RNF141: variants seen among roughly 807,000 people sequenced by gnomAD.
The protein encoded by RNF141 is ring finger protein 141.
A neutral mutation model predicts 27.4 loss-of-function variants in RNF141; 18 were observed. That is an observed-to-expected ratio of 0.66 (90% CI 0.45 to 0.97). The LOEUF (loss-of-function observed/expected upper bound fraction) is 0.97, where lower values mean the gene tolerates loss of function less well. RNF141 is among the 50% of genes least tolerant of loss of function. RNF141 has a pLI of 0.00. For missense variants in RNF141, 230 were observed against 279.4 expected, an observed-to-expected ratio of 0.82 and a Z score of 1.26; for synonymous variants, 97 against 96.6, an observed-to-expected ratio of 1.00 and a Z score of -0.02.
intron 1 of RNF141, among the ~76,000 whole-genome samples, chr11:10,535,363 A>AG (rs980155610): frequency 6.6e-6 from 1 of 151,196 alleles, no homozygotes; most frequent in Non-Finnish European, 1.5e-5. Context: ...AATTTAAAAA[A>AG]AAAACAAAAA....
At chr11:10,531,708 T>A (rs1849987940) in intron 2 of RNF141, 1 of 189,678 alleles carries the variant, frequency 5.3e-6, no homozygotes, top group South Asian at 8.5e-5. Context: ...TTCGAAGACA[T>A]GCTTAAGTAT....
chr11:10,521,296 T>C (rs1244182532), intron 4 of RNF141, among the ~76,000 whole-genome samples: 2 of 152,250 alleles, frequency 1.3e-5, no homozygotes, highest in African/African-American at 4.8e-5. Flanking sequence ...AAATATTGCA[T>C]ATTGATTGGC....
Position 10,539,699 on chromosome 11 carries a change from T to TATATATATATATATATATATATATA in RNF141, c.-48+1422_-48+1423insTATATATATATATATATATATATAT, listed in dbSNP as rs56298076. The stretch of plus-strand genomic sequence containing the variant: ...TCAGAAAAAGATACATACATATATA[T>TATATATATATATATATATATATATA]TAGAGAGAGAAGGAGAGAGAAACTA... On this transcript the variant is annotated intron_variant, in intron 1 of 5. Transcript: ENST00000265981. 3.9e-4 allele frequency among the ~76,000 whole-genome samples: 29 copies of TATATATATATATATATATATATATA among 73,680 alleles called. 2 individuals carry two copies. The highest frequency in any genetic ancestry group is 5.0e-4 in the African/African-American group (11 of 21,926). 48.3% of individuals were successfully genotyped at this position (73,680 alleles called of 152,430 possible). A position where few individuals can be genotyped will look rare whatever the true frequency, so the allele number is the denominator to read the frequency against.
rs1849815259 is a variant in RNF141 at position 10,513,160 on chromosome 11, A to G, written c.*1756T>C. The G allele has an allele frequency of 1.3e-5, 2 of 152,222 alleles. No individual in the cohort carries two copies. The highest frequency in any genetic ancestry group is 6.5e-5 in the Admixed American group (1 of 15,280). The allele number at this position is 152,222 out of a possible 1,614,324, so 9.4% of individuals were successfully genotyped here. On this transcript the variant is annotated 3_prime_UTR_variant, in exon 6 of 6. Transcript: ENST00000265981. ...GTACTCTGCTTGCATAAACCTCCATAGGGAGTAGTTAGCTATTTGGTACTT... is the reference window on the plus strand; with the variant it reads ...GTACTCTGCTTGCATAAACCTCCATGGGGAGTAGTTAGCTATTTGGTACTT...
chr11:10,524,785 A>T (rs1849917426), intron 4 of RNF141, among the ~76,000 whole-genome samples: 1 of 152,166 alleles, frequency 6.6e-6, no homozygotes, highest in African/African-American at 2.4e-5. Flanking sequence ...CAATATATAA[A>T]ATTTTAATGC....
chr11:10,529,157 G>A (rs919511451), intron 3 of RNF141, among the ~76,000 whole-genome samples: 3 of 152,204 alleles, frequency 2.0e-5, no homozygotes, highest in Non-Finnish European at 2.9e-5. Flanking sequence ...TGATGCAGGA[G>A]TCAATCCTGG....
intron 3 of RNF141, 45 bp from the exon 4 acceptor site, chr11:10,525,418 T>A (rs1250250334): frequency 6.8e-7 from 1 of 1,464,560 alleles, no homozygotes; most frequent in Non-Finnish European, 9.2e-7. Context: ...ATCATTTCTC[T>A]GACCAATTTT....
intron 3 of RNF141, among the ~76,000 whole-genome samples, chr11:10,529,941 A>G (rs2133972732): frequency 6.6e-6 from 1 of 152,304 alleles, no homozygotes; most frequent in South Asian, 2.1e-4. Flanking sequence ...AAAATCTCCT[A>G]ACCCAGGGAA....
intron 4 of RNF141, 48 bp downstream of exon 4, chr11:10,525,144 T>C: frequency 7.2e-7 from 1 of 1,379,992 alleles, no homozygotes; most frequent in South Asian, 1.5e-5. Context: ...ATTTCAGTTG[T>C]TTTCATATTA....
At chr11:10,516,360 C>T (rs548245615) in intron 5 of RNF141, 2 of 152,302 alleles carry the variant, frequency 1.3e-5, no homozygotes, top group African/African-American at 2.4e-5. Flanking sequence ...ACAGTGATCC[C>T]TGGGACATGG....
intron 2 of RNF141, among the ~76,000 whole-genome samples, chr11:10,532,425 C>T (rs1849994697): frequency 6.6e-6 from 1 of 151,262 alleles, no homozygotes; most frequent in Non-Finnish European, 1.5e-5. Flanking sequence ...TGTAAAATCT[C>T]CCTCTCTGCC....
Position 10,513,376 on chromosome 11 carries a change from T to C in RNF141, c.*1540A>G, listed in dbSNP as rs1591494837. On this transcript the variant is annotated 3_prime_UTR_variant, in exon 6 of 6. Transcript: ENST00000265981. ...AATTGTGTACCCTGGTTTAGGAAAA[T>C]AGTAATATTTGCAACTTATGAATGA... is the stretch of plus-strand genomic sequence containing the variant. 1.3e-5 allele frequency: 2 copies of C among 152,280 alleles called. No individual in the cohort carries two copies. The highest frequency in any genetic ancestry group is 1.9e-4 in the East Asian group (1 of 5,184). 9.4% of individuals were successfully genotyped at this position (152,280 alleles called of 1,614,324 possible). A position where few individuals can be genotyped will look rare whatever the true frequency, so the allele number is the denominator to read the frequency against.
Position 10,534,093 on chromosome 11 carries a change from T to G in RNF141, c.66A>C (p.Lys22Asn), listed in dbSNP as rs748033790. The change falls in exon 2 of 6, where the codon AAA becomes AAC. Residue 22 changes from lysine to asparagine, a missense_variant. Physicochemically the swap from Lys to Asn is moderately conservative, Grantham distance 94 (BLOSUM62 0). Transcript: ENST00000265981. ...VINKLPEKVA[K>N]HVTLVRESGS... The stretch of plus-strand genomic sequence containing the variant: ...CACTCTCTCGAACCAACGTAACATG[T>G]TTTGCTACTTTTTCTGGTAACTTGT... 1.1e-5 allele frequency: 18 copies of G among 1,613,698 alleles called. No homozygotes were observed. Among genetic ancestry groups the G allele is most frequent in the Non-Finnish European group, 1.5e-5 (18 of 1,179,718 alleles).
intron 1 of RNF141, among the ~76,000 whole-genome samples, chr11:10,536,352 G>A (rs1293531089): frequency 6.6e-6 from 1 of 152,144 alleles, no homozygotes; most frequent in Non-Finnish European, 1.5e-5. Flanking sequence ...AAGCAGAGAG[G>A]CAAAGGGAGA....
chr11:10,533,905 A>C, intron 2 of RNF141, 111 bp downstream of exon 2: 1 of 946,756 alleles, frequency 1.1e-6, no homozygotes, highest in Non-Finnish European at 1.6e-6. Flanking sequence ...TGCTAACTGA[A>C]AACATTAAGT....
Position 10,514,782 on chromosome 11 carries a change from G to A in RNF141, c.*134C>T, listed in dbSNP as rs1400576446. On this transcript the variant is annotated 3_prime_UTR_variant, in exon 6 of 6. Transcript: ENST00000265981. The stretch of plus-strand genomic sequence containing the variant: ...GTTTATTTTTAAAAGGGGGACAAAT[G>A]ATCAGAATAGCAAAAATAAAAGAGT... 1 of 775,176 alleles carries A rather than the reference G, an allele frequency of 1.3e-6. No individual in the cohort carries two copies. The highest frequency in any genetic ancestry group is 1.8e-5 in the African/African-American group (1 of 55,400). The allele number at this position is 775,176 out of a possible 1,614,324, so 48.0% of individuals were successfully genotyped here. A position where few individuals can be genotyped will look rare whatever the true frequency, so the allele number is the denominator to read the frequency against.
Position 10,518,984 on chromosome 11 carries a change from C to T in RNF141, c.542+50G>A, listed in dbSNP as rs373497933. On this transcript the variant is annotated intron_variant, in intron 5 of 5. Coordinates refer to ENST00000265981, the MANE Select transcript of RNF141 (RefSeq NM_016422.4). ...GCACTTTTCAAAGTTTATTCATGTA[C>T]ACTATCCCACTGACCTTGGCCCAGC... 2.9e-5 allele frequency: 41 copies of T among 1,393,790 alleles called. No homozygotes were observed. In the Middle Eastern group the frequency reaches 1.1e-3, roughly 36 times the overall value. 86.3% of individuals were successfully genotyped at this position (1,393,790 alleles called of 1,614,324 possible).
rs578120547 is a variant in RNF141, at chr11:10,513,186, A to G, written c.*1730T>C. The G allele has an allele frequency of 6.6e-6, 1 of 152,334 alleles. No individual in the cohort carries two copies. The highest frequency in any genetic ancestry group is 2.1e-4 in the South Asian group (1 of 4,828). The allele number at this position is 152,334 out of a possible 1,614,324, so 9.4% of individuals were successfully genotyped here. On this transcript the variant is annotated 3_prime_UTR_variant, in exon 6 of 6. Transcript: ENST00000265981. ...GGGAGTAGTTAGCTATTTGGTACTT[A>G]GCTGTCCCATTATGAATGTCAATGG...
Position 10,518,595 on chromosome 11 carries a change from T to C in RNF141, c.542+439A>G, listed in dbSNP as rs148887529. On this transcript the variant is annotated intron_variant, in intron 5 of 5. Transcript: ENST00000265981. ...TACATTAAATACATGTAGTTTATTGTATGTATTTTATAAATTATCCTAAAC... is the reference window on the plus strand; with the variant it reads ...TACATTAAATACATGTAGTTTATTGCATGTATTTTATAAATTATCCTAAAC... 471 of 155,368 alleles carry C rather than the reference T, an allele frequency of 3.0e-3. 3 individuals carry two copies. In the Middle Eastern group the frequency reaches 0.05, roughly 17 times the overall value. 9.6% of individuals were successfully genotyped at this position (155,368 alleles called of 1,614,324 possible).
Sources: allele counts gnomAD v4.1 joint callset (sites outside exome capture counted in the v4.1 genomes callset), GRCh38; gene constraint gnomAD v4.1.1; transcripts MANE v1.5; gene names NCBI Gene and HGNC (gene_info 2026-07-23, HGNC 2026-07-21).